LIN54: variants seen among roughly 807,000 people sequenced by gnomAD.
LIN54 encodes the protein protein lin-54 homolog.
Under a neutral mutation model 78.7 loss-of-function variants are expected in LIN54, and 9 were observed. The ratio of observed to expected loss-of-function variants is 0.11; its 90% CI spans 0.07 to 0.20. The LOEUF (loss-of-function observed/expected upper bound fraction) is 0.20, where lower values mean the gene tolerates loss of function less well. Ranked by LOEUF, LIN54 falls within the 10% of genes least tolerant of loss-of-function variation. The pLI, the probability that LIN54 is intolerant of heterozygous loss-of-function variation, is 1.00. For missense variants in LIN54, 573 were observed against 889.9 expected (o/e 0.64, Z 4.53); for synonymous variants, 269 against 318.4 (o/e 0.84, Z 1.65).
chr4:82,974,688 G>A (rs539980473), intron 3 of LIN54, among the ~76,000 whole-genome samples: 57 of 152,176 alleles, frequency 3.7e-4, no homozygotes, highest in Non-Finnish European at 4.0e-4. Flanking sequence ...AGTGAGCCAC[G>A]ATCGCACCAC....
intron 1 of LIN54, among the ~76,000 whole-genome samples, chr4:82,994,833 G>A (rs538392179): frequency 6.6e-6 from 1 of 151,986 alleles, no homozygotes; most frequent in Non-Finnish European, 1.5e-5. Flanking sequence ...CAAATATGGT[G>A]GTGGATTTGT....
Position 82,984,668 on chromosome 4 carries a change from C to A in LIN54, c.177G>T (p.Thr59=). The A allele has an allele frequency of 6.2e-7, 1 of 1,614,098 alleles. No homozygotes were observed. The highest frequency in any genetic ancestry group is 8.5e-7 in the Non-Finnish European group (1 of 1,180,006). Residue 59 remains threonine (T), a synonymous_variant, in exon 2 of 13, where the codon ACG becomes ACT. Transcript: ENST00000340417. ...CTGTGATTGGTTCCGTGGAAATGGG[C>A]GTGGCTGTAGAGTCACCAGTAGAAT... ...NINSTGDSTA[T]PISTEPITVY... is the part of the protein sequence containing the mutation.
intron 9 of LIN54, 32 bp from the exon 10 acceptor site, chr4:82,936,413 G>C: frequency 8.3e-7 from 1 of 1,206,116 alleles, no homozygotes; most frequent in Non-Finnish European, 1.2e-6. Flanking sequence ...AAGGTAAAAA[G>C]TCATTATTAA....
chr4:83,010,091 A>G (rs1404605292), intron 1 of LIN54, among the ~76,000 whole-genome samples: 1 of 152,208 alleles, frequency 6.6e-6, no homozygotes, highest in Non-Finnish European at 1.5e-5. Flanking sequence ...CCACAACCCA[A>G]CAAGTTACAG....
intron 1 of LIN54, among the ~76,000 whole-genome samples, chr4:83,005,663 C>T (rs1346941175): frequency 2.0e-5 from 3 of 151,320 alleles, no homozygotes; most frequent in Non-Finnish European, 4.4e-5. Context: ...TAGATGCTGG[C>T]GAGGCCGTGG....
Position 82,938,510 on chromosome 4 carries a change from T to G in LIN54, c.1441-6A>C. On this transcript the variant is annotated splice_polypyrimidine_tract_variant and splice_region_variant and intron_variant, in intron 7 of 12. Coordinates refer to ENST00000340417, the MANE Select transcript of LIN54 (RefSeq NM_194282.4). Reference sequence around the variant, plus strand: ...ACATATGAAGACTGCTGTAGCTACATGTAAAGAAAATTAATTTTAGATCAT... The same window carrying G: ...ACATATGAAGACTGCTGTAGCTACAGGTAAAGAAAATTAATTTTAGATCAT... 6.5e-7 allele frequency: 1 copy of G among 1,539,318 alleles called. No individual in the cohort carries two copies. Among genetic ancestry groups the G allele is most frequent in the Non-Finnish European group, 9.0e-7 (1 of 1,116,422 alleles).
At chr4:82,941,700 G>C (rs943096489) in intron 5 of LIN54, among the ~76,000 whole-genome samples, 4 of 152,176 alleles carry the variant, frequency 2.6e-5, no homozygotes, top group Non-Finnish European at 5.9e-5. Flanking sequence ...AAGAGACCTG[G>C]TGTAGGTGAA....
chr4:82,935,944 T>G (rs745823908), intron 11 of LIN54, 37 bp downstream of exon 11: 2 of 1,603,722 alleles, frequency 1.2e-6, no homozygotes, highest in East Asian at 4.5e-5. Context: ...CTAAAACTGT[T>G]TTTAAAAGAT....
intron 4 of LIN54, among the ~76,000 whole-genome samples, chr4:82,956,270 G>A (rs1304736318): frequency 6.6e-6 from 1 of 151,300 alleles, no homozygotes; most frequent in African/African-American, 2.4e-5. Flanking sequence ...AATTTCTATA[G>A]TAAGAGTGTT....
At chr4:83,011,823 A>C (rs1051254232), upstream of LIN54, among the ~76,000 whole-genome samples, 36 of 151,948 alleles carry the variant, frequency 2.4e-4, no homozygotes, top group Non-Finnish European at 3.4e-4. Context: ...AAAAAAAAAA[A>C]AAAGGAAACT....
chr4:82,991,157 A>G (rs970169593), intron 1 of LIN54, among the ~76,000 whole-genome samples: 27 of 144,866 alleles, frequency 1.9e-4, no homozygotes, highest in Non-Finnish European at 2.3e-4. Flanking sequence ...CTCTTAAGAA[A>G]AAAAAAAAAA....
Position 82,939,529 on chromosome 4 carries a change from T to G in LIN54, c.1440+10A>C. ...TTTTGCAATACAATGACTTCATTTTTTCCACATACCTGAGTAACATACTGA... is the reference window on the plus strand; with the variant it reads ...TTTTGCAATACAATGACTTCATTTTGTCCACATACCTGAGTAACATACTGA... On this transcript the variant is annotated intron_variant, in intron 7 of 12. Transcript: ENST00000340417. 2 of 1,611,118 alleles carry G rather than the reference T, an allele frequency of 1.2e-6. No homozygotes were observed. Among genetic ancestry groups the G allele is most frequent in the Non-Finnish European group, 1.7e-6 (2 of 1,177,196 alleles).
At chr4:82,973,255 A>G (rs371271577) in intron 3 of LIN54, among the ~76,000 whole-genome samples, 1 of 152,346 alleles carries the variant, frequency 6.6e-6, no homozygotes, top group Admixed American at 6.5e-5. Flanking sequence ...AATTATGTCG[A>G]TAATGATAAA....
intron 11 of LIN54, among the ~76,000 whole-genome samples, chr4:82,934,282 T>C (rs528756210): frequency 6.6e-6 from 1 of 152,314 alleles, no homozygotes; most frequent in African/African-American, 2.4e-5. Context: ...GGCAGGTGCC[T>C]GTAATCCCAC....
intron 5 of LIN54, among the ~76,000 whole-genome samples, chr4:82,944,565 T>A (rs1452448737): frequency 6.8e-6 from 1 of 147,408 alleles, no homozygotes; most frequent in Non-Finnish European, 1.5e-5. Context: ...AAAATATAAC[T>A]GCTTGCTATG....
intron 11 of LIN54, among the ~76,000 whole-genome samples, chr4:82,935,584 G>A (rs538071100): frequency 9.2e-5 from 14 of 152,036 alleles, no homozygotes; most frequent in Middle Eastern, 3.4e-3. Flanking sequence ...CACCGCACCC[G>A]GCCATATATT....
chr4:82,984,938 C>CAA lies in LIN54; in HGVS notation c.-32-64_-32-63dup, dbSNP rs537055067. The CAA allele has an allele frequency of 7.6e-6, 9 of 1,182,384 alleles. No homozygotes were observed. In the African/African-American group the frequency reaches 1.2e-4, roughly 16 times the overall value. 73.2% of individuals were successfully genotyped at this position (1,182,384 alleles called of 1,614,324 possible). A position where few individuals can be genotyped will look rare whatever the true frequency, so the allele number is the denominator to read the frequency against. On this transcript the variant is annotated intron_variant, in intron 1 of 12. Transcript: ENST00000340417. ...TTTCAAAAGATGTAAGAAAAAAATTCAAAAAAAATGCAAATGGCAAAATGA... is the reference window on the plus strand; with the variant it reads ...TTTCAAAAGATGTAAGAAAAAAATTCAAAAAAAAAATGCAAATGGCAAAATGA...
intron 5 of LIN54, among the ~76,000 whole-genome samples, chr4:82,942,844 GTGTGCGTGTGCGCGCGCACACACA>G (rs1560727788): frequency 1.7e-5 from 2 of 118,476 alleles, no homozygotes; most frequent in Non-Finnish European, 3.3e-5. Context: ...ATGCACAAAT[GTGTGCGTGTGCGCGCGCACACACA>G]CACACACACA....
intron 4 of LIN54, among the ~76,000 whole-genome samples, chr4:82,955,500 A>G (rs756384606): frequency 3.6e-4 from 55 of 152,224 alleles, no homozygotes; most frequent in Non-Finnish European, 6.3e-4. Flanking sequence ...AGGAGATCAT[A>G]AAACTAAGAG....
Sources: allele counts gnomAD v4.1 joint callset (sites outside exome capture counted in the v4.1 genomes callset), GRCh38; gene constraint gnomAD v4.1.1; transcripts MANE v1.5; gene names NCBI Gene and HGNC (gene_info 2026-07-23, HGNC 2026-07-21).